LINGO2: variants seen among roughly 807,000 people sequenced by gnomAD.
LINGO2 encodes the protein leucine rich repeat and Ig domain containing 2.
In LINGO2, 14 loss-of-function variants were observed where a neutral mutation model predicts 30.6. The observed-to-expected ratio is 0.46, with a 90% CI of 0.30 to 0.72. The LOEUF (loss-of-function observed/expected upper bound fraction) is 0.72, where lower values mean the gene tolerates loss of function less well. Among genes scored for constraint, LINGO2 ranks in the 30% least tolerant of loss-of-function variants. The pLI is 0.07. For synonymous variants in LINGO2, 317 were observed against 288.5 expected, an observed-to-expected ratio of 1.10 and a Z score of -1.00; for missense variants, 729 against 751.7, an observed-to-expected ratio of 0.97 and a Z score of 0.35.
At chr9:28,943,866 G>A in the LINGO2 span, among the ~76,000 whole-genome samples, 2 of 152,096 alleles carry the variant, frequency 1.3e-5, no homozygotes, top group Non-Finnish European at 2.9e-5. Flanking sequence ...CTTTGTTTAA[G>A]GGCCCAGTGA....
the LINGO2 span, among the ~76,000 whole-genome samples, chr9:29,000,572 A>C: frequency 6.6e-6 from 1 of 151,990 alleles, no homozygotes; most frequent in Non-Finnish European, 1.5e-5. Flanking sequence ...CTAGTCATGA[A>C]GTTAGTGTCT....
At chr9:27,956,541 T>G (rs1819578748) in intron 5 of LINGO2, among the ~76,000 whole-genome samples, 1 of 152,206 alleles carries the variant, frequency 6.6e-6, no homozygotes, top group African/African-American at 2.4e-5. Context: ...AGCAGAAGTT[T>G]TAAAATTTAA....
intron 4 of LINGO2, among the ~76,000 whole-genome samples, chr9:28,075,184 A>G (rs969497270): frequency 1.3e-5 from 2 of 151,958 alleles, no homozygotes; most frequent in African/African-American, 2.4e-5. Context: ...TTAGTTTTAC[A>G]TATTTTAAAA....
intron 4 of LINGO2, among the ~76,000 whole-genome samples, chr9:28,265,170 A>AACACAC (rs34681290): frequency 6.7e-6 from 1 of 150,174 alleles, no homozygotes; most frequent in African/African-American, 2.4e-5. Context: ...ACAACAACAC[A>AACACAC]ACACACACAC....
the LINGO2 span, among the ~76,000 whole-genome samples, chr9:29,115,587 G>T: frequency 6.6e-6 from 1 of 150,430 alleles, no homozygotes; most frequent in African/African-American, 2.4e-5. Context: ...TATTGAATGT[G>T]TTTTTTTTTA....
intron 2 of LINGO2, among the ~76,000 whole-genome samples, chr9:28,423,062 T>C (rs560130548): frequency 6.6e-6 from 1 of 152,186 alleles, no homozygotes; most frequent in Non-Finnish European, 1.5e-5. Context: ...GATACAGATT[T>C]CCAGTTTTGC....
At chr9:28,480,233 C>A (rs1374637256) in intron 1 of LINGO2, among the ~76,000 whole-genome samples, 1 of 151,528 alleles carries the variant, frequency 6.6e-6, no homozygotes, top group Non-Finnish European at 1.5e-5. Flanking sequence ...TTAATAAGAG[C>A]TGGTCAGTTC....
chr9:28,320,745 C>A (rs770629492), intron 3 of LINGO2, among the ~76,000 whole-genome samples: 1 of 152,108 alleles, frequency 6.6e-6, no homozygotes, highest in Admixed American at 6.6e-5. Context: ...AGATCCAATT[C>A]AATAGAGGAC....
intron 2 of LINGO2, among the ~76,000 whole-genome samples, chr9:28,472,587 G>C (rs1377007560): frequency 2.0e-5 from 3 of 151,834 alleles, no homozygotes; most frequent in Non-Finnish European, 2.9e-5. Context: ...CAAATATTTA[G>C]ATTAAAAAAA....
the LINGO2 span, among the ~76,000 whole-genome samples, chr9:28,958,011 T>A: frequency 1.3e-5 from 2 of 152,212 alleles, no homozygotes; most frequent in South Asian, 4.1e-4. Flanking sequence ...AAAGTCACAC[T>A]GCTTTTAATG....
intron 2 of LINGO2, among the ~76,000 whole-genome samples, chr9:28,459,908 T>A (rs1825008471): frequency 6.6e-6 from 1 of 152,124 alleles, no homozygotes; most frequent in African/African-American, 2.4e-5. Context: ...ATAAACATAA[T>A]GCATATGTCC....
the LINGO2 span, among the ~76,000 whole-genome samples, chr9:28,947,738 A>G: frequency 2.0e-5 from 3 of 151,534 alleles, no homozygotes; most frequent in South Asian, 6.2e-4. Context: ...CATATTATAT[A>G]TACATTTCCT....
chr9:28,376,426 T>A (rs1821135064), intron 2 of LINGO2, among the ~76,000 whole-genome samples: 1 of 152,140 alleles, frequency 6.6e-6, no homozygotes, highest in South Asian at 2.1e-4. Context: ...GATAAATATA[T>A]TATATGATGC....
At chr9:28,018,691 A>G (rs955628408) in intron 4 of LINGO2, among the ~76,000 whole-genome samples, 19 of 152,172 alleles carry the variant, frequency 1.2e-4, no homozygotes, top group African/African-American at 4.3e-4. Flanking sequence ...GTCAAAAAAA[A>G]TCACAGATGA....
chr9:29,090,009 A>C, the LINGO2 span, among the ~76,000 whole-genome samples: 1 of 152,038 alleles, frequency 6.6e-6, no homozygotes, highest in Admixed American at 6.6e-5. Flanking sequence ...TTCATACTGA[A>C]ACAAAACAGA....
At chr9:28,995,019 G>T in the LINGO2 span, among the ~76,000 whole-genome samples, 1 of 152,056 alleles carries the variant, frequency 6.6e-6, no homozygotes, top group African/African-American at 2.4e-5. Flanking sequence ...ATTGACAAAT[G>T]GGATCTAATT....
rs563130944 is a variant in LINGO2 at position 28,092,247 on chromosome 9, G to A, written c.-86-79842C>T. On this transcript the variant is annotated intron_variant, in intron 4 of 5. Coordinates refer to ENST00000379992, the Ensembl canonical transcript of LINGO2. ...TGCTGCTATAAAGACACATGCACAC[G>A]TATTTTTATTGTGGCACTATTCACA... Among the ~76,000 whole-genome samples the A allele has an allele frequency of 6.6e-4, 101 of 152,168 alleles. 1 individual carries two copies. The highest frequency in any genetic ancestry group is 1.9e-3 in the South Asian group (9 of 4,822).
At chr9:28,354,654 C>A (rs918483794) in intron 3 of LINGO2, among the ~76,000 whole-genome samples, 2 of 151,944 alleles carry the variant, frequency 1.3e-5, no homozygotes, top group African/African-American at 4.9e-5. Flanking sequence ...CCCTTAAACA[C>A]AACAACCCTG....
At chr9:28,738,837 A>G in the LINGO2 span, among the ~76,000 whole-genome samples, 9 of 152,092 alleles carry the variant, frequency 5.9e-5, no homozygotes, top group African/African-American at 1.9e-4. Flanking sequence ...AGATATTTTA[A>G]GTAAATATAT....
Sources: gnomAD v4.1 joint callset for allele counts (sites outside exome capture counted in the v4.1 genomes callset) on GRCh38, gnomAD v4.1.1 for gene constraint, MANE v1.5 for transcripts, NCBI Gene and HGNC (gene_info 2026-07-23, HGNC 2026-07-21) for gene names.